MEG3: variants seen among roughly 807,000 people sequenced by gnomAD.
MEG3 encodes Very putative protein from MEG3 locus.
exon 1 of MEG3, chr14:100,835,836 C>A: frequency 4.3e-6 from 1 of 232,798 alleles, no homozygotes; most frequent in Non-Finnish European, 8.4e-6. Context: ...GGGCTATGGA[C>A]AGACTCCTGT....
chr14:100,852,776 G>C (rs911950787), upstream of MEG3: 1 of 217,262 alleles, frequency 4.6e-6, no homozygotes, highest in African/African-American at 2.3e-5. Flanking sequence ...AAATTGGAAG[G>C]AACAAGCGAC....
intron 2 of MEG3, among the ~76,000 whole-genome samples, chr14:100,841,742 T>C (rs1300640472): frequency 1.3e-5 from 2 of 152,224 alleles, no homozygotes; most frequent in Non-Finnish European, 2.9e-5. Flanking sequence ...TCGTGTTTTA[T>C]GGGGCATTAT....
chr14:100,860,422 C>T (rs1198859558), intron 1 of MEG3: 12 of 333,404 alleles, frequency 3.6e-5, no homozygotes, highest in African/African-American at 6.6e-5. Flanking sequence ...TGTAGGTGGG[C>T]GTCAGGACTA....
intron 1 of MEG3, among the ~76,000 whole-genome samples, chr14:100,827,842 A>C (rs554995464): frequency 6.6e-6 from 1 of 152,326 alleles, no homozygotes; most frequent in Non-Finnish European, 1.5e-5. Context: ...TTCTGACTTT[A>C]GTGAACGTGT....
chr14:100,834,432 T>G (rs1351491473), exon 1 of MEG3: 2 of 277,530 alleles, frequency 7.2e-6, no homozygotes, highest in African/African-American at 2.2e-5. Context: ...CTAAAAACTT[T>G]CAAAAGTTAA....
At position 100,837,167 on chromosome 14, in the gene MEG3, G is replaced by C. The variant is rs1225828348; in HGVS notation, n.3045+867G>C. Among the ~76,000 whole-genome samples, 1 of 152,154 alleles carries C rather than the reference G, an allele frequency of 6.6e-6. No individual in the cohort carries two copies. On this transcript the variant is annotated intron_variant and non_coding_transcript_variant, in intron 2 of 3. Coordinates refer to the MEG3 transcript ENST00000398461. This position sits in a 1 kb window ranked among gnomAD's most constrained non-coding sequence, Gnocchi z 5.8. Reference sequence around the variant, plus strand: ...AGCCAGGCGAGGTGTCGTCGAGGGCGGGGGCTCAGGGTGGCATGCTGGACG... The same window carrying C: ...AGCCAGGCGAGGTGTCGTCGAGGGCCGGGGCTCAGGGTGGCATGCTGGACG...
chr14:100,834,568 C>A (rs915930036), exon 1 of MEG3: 10 of 399,780 alleles, frequency 2.5e-5, no homozygotes, highest in Non-Finnish European at 5.0e-5. Context: ...GCTTTTTCTG[C>A]TTCTGTTGCC....
chr14:100,842,715 T>C (rs1035938641), intron 2 of MEG3, among the ~76,000 whole-genome samples: 1 of 152,238 alleles, frequency 6.6e-6, no homozygotes, highest in Admixed American at 6.5e-5. Flanking sequence ...ACCAAAGACA[T>C]GCCAGATCAG....
intron 2 of MEG3, among the ~76,000 whole-genome samples, chr14:100,843,825 C>T (rs61993309): frequency 0.2 from 28,102 of 143,914 alleles, 3,088 homozygotes; most frequent in Admixed American, 0.27. Context: ...AGGTGTCTCC[C>T]GGGACCTGTT....
chr14:100,847,840 G>C (rs1490114984), intron 3 of MEG3: 1 of 152,200 alleles, frequency 6.6e-6, no homozygotes, highest in Non-Finnish European at 1.5e-5. Context: ...GTAGATCCAC[G>C]AGAAGAGTTA....
chr14:100,831,062 G>T (rs1005448420), downstream of MEG3: 2 of 152,848 alleles, frequency 1.3e-5, no homozygotes, highest in African/African-American at 4.8e-5. Flanking sequence ...AGTGAGATTC[G>T]AGTGGGCTGT....
chr14:100,831,504 C>T (rs547284494), downstream of MEG3: 8 of 152,802 alleles, frequency 5.2e-5, no homozygotes, highest in Non-Finnish European at 8.8e-5. Flanking sequence ...CTTCCTGACT[C>T]GCTCTACTCC....
chr14:100,845,370 C>T lies in MEG3; in HGVS notation n.3046-88C>T. On this transcript the variant is annotated intron_variant and non_coding_transcript_variant, in intron 2 of 3. Coordinates refer to the MEG3 transcript ENST00000398461. The surrounding 1 kb of genome is among the most constrained non-coding windows in gnomAD (Gnocchi z 5.2). ...CTGCTCCAGGCCACCCCTGCCCGCC[C>T]CCCAGAGCTGTTGTCCTCATCCGCC... 1 of 392,284 alleles carries T rather than the reference C, an allele frequency of 2.5e-6. No homozygotes were observed. Among genetic ancestry groups the T allele is most frequent in the Non-Finnish European group, 5.1e-6 (1 of 194,648 alleles). 24.3% of individuals were successfully genotyped at this position (392,284 alleles called of 1,614,324 possible).
At chr14:100,836,048 C>T (rs1017407395) in intron 1 of MEG3, 2 of 366,528 alleles carry the variant, frequency 5.5e-6, no homozygotes, top group African/African-American at 4.3e-5. Context: ...CCAGTAGTCA[C>T]CCCACTCCAC....
chr14:100,831,722 G>C (rs2037401385), downstream of MEG3: 3 of 152,134 alleles, frequency 2.0e-5, no homozygotes, highest in African/African-American at 7.2e-5. Context: ...GCACACCCAG[G>C]TCTCTCGACT....
At chr14:100,860,121 C>G (rs988279487) in exon 1 of MEG3, 1 of 162,702 alleles carries the variant, frequency 6.1e-6, no homozygotes, top group Admixed American at 5.6e-5. Context: ...GAACTGTCTG[C>G]GCTGGTCCCA....
chr14:100,828,580 C>T (rs939161697), intron 1 of MEG3: 18 of 141,342 alleles, frequency 1.3e-4, no homozygotes, highest in African/African-American at 2.4e-4. Context: ...CTGCCTTCCT[C>T]AGTCCTCCCC....
At chr14:100,851,983 T>C in intron 3 of MEG3, 1 of 204,404 alleles carries the variant, frequency 4.9e-6, no homozygotes. Flanking sequence ...TCTCAATTCC[T>C]ATTTGGGACA....
At chr14:100,840,529 A>G (rs1454782806) in intron 2 of MEG3, among the ~76,000 whole-genome samples, 2 of 152,124 alleles carry the variant, frequency 1.3e-5, no homozygotes, top group Non-Finnish European at 2.9e-5. Context: ...GAAAACGTCA[A>G]TTACCTTCCC....
Sources: allele counts gnomAD v4.1 joint callset (sites outside exome capture counted in the v4.1 genomes callset), GRCh38; gene constraint gnomAD v4.1.1; non-coding constraint Gnocchi (gnomAD v3.1); transcripts MANE v1.5; gene names NCBI Gene and HGNC (gene_info 2026-07-23, HGNC 2026-07-21).